The following CATSPERB variants were observed in gnomAD, a reference collection of about 807,000 sequenced individuals.
CATSPERB encodes cation channel sperm-associated auxiliary subunit beta.
In CATSPERB, 93 loss-of-function variants were observed where a neutral mutation model predicts 128.3. The ratio of observed to expected loss-of-function variants is 0.72; its 90% confidence interval spans 0.61 to 0.86. CATSPERB has a LOEUF of 0.86. CATSPERB is among the 40% of genes least tolerant of loss of function. The pLI is 0.00. For synonymous variants in CATSPERB, 381 were observed against 448.8 expected (o/e 0.85, Z 1.91); for missense variants, 1,153 against 1,329.5 (o/e 0.87, Z 2.06).
At chr14:91,721,258 C>G (rs1896024392) in intron 4 of CATSPERB, among the ~76,000 whole-genome samples, 1 of 152,028 alleles carries the variant, frequency 6.6e-6, no homozygotes, top group Admixed American at 6.6e-5. Context: ...TTCTGTGTAT[C>G]AAAGGACACT....
At chr14:91,731,516 C>G (rs547885148) in intron 1 of CATSPERB, among the ~76,000 whole-genome samples, 2 of 152,296 alleles carry the variant, frequency 1.3e-5, no homozygotes, top group South Asian at 4.1e-4. Flanking sequence ...ATAACAGGCA[C>G]TTCACAGTGT....
At chr14:91,584,980 T>G (rs1013762115) in intron 26 of CATSPERB, among the ~76,000 whole-genome samples, 26 of 151,878 alleles carry the variant, frequency 1.7e-4, no homozygotes, top group Admixed American at 2.0e-4. Flanking sequence ...TCCGTCTTTA[T>G]TTCTTTCCTT....
In CATSPERB at chr14:91,693,169, A is replaced by G. The variant is rs1895499133; in HGVS notation, c.788T>C (p.Phe263Ser). 2.5e-6 allele frequency: 4 copies of G among 1,613,898 alleles called. No homozygotes were observed. The highest frequency in any genetic ancestry group is 3.4e-6 in the Non-Finnish European group (4 of 1,179,868). The stretch of plus-strand genomic sequence containing the variant: ...TGGATAACGAAGATCTTCACTTACA[A>G]AAAGGCCCAAAGAGGTGAGGATAAC... ...FLVILTSLGL[F>S]VSEDLRYPSR... is the part of the protein sequence containing the mutation. Residue 263 changes from phenylalanine (F) to serine (S), a missense_variant, in exon 9 of 27, where the codon TTT becomes TCT. Physicochemically the swap from Phe to Ser is radical, Grantham distance 155. Coordinates refer to ENST00000256343, the MANE Select transcript of CATSPERB (RefSeq NM_024764.4).
At position 91,672,946 on chromosome 14, in the gene CATSPERB, C is replaced by A; in HGVS notation, c.1049G>T (p.Gly350Val). Reference protein sequence around the residue: ...WVPCLPHIFKGIKIFPTVLTF... With the variant: ...WVPCLPHIFKVIKIFPTVLTF... Reference sequence around the variant, plus strand: ...TAGCACAGTTGGAAAAATTTTTATTCCTTTAAAAATGTGAGGTAAGCAGGG... The same window carrying A: ...TAGCACAGTTGGAAAAATTTTTATTACTTTAAAAATGTGAGGTAAGCAGGG... The change falls in exon 13 of 27, where the codon GGA (glycine) becomes GTA (valine). Residue 350 changes from glycine (G) to valine (V), a missense_variant. By Grantham distance (109) the Gly-to-Val change is moderately radical. Transcript: ENST00000256343. 1 of 1,603,464 alleles carries A rather than the reference C, an allele frequency of 6.2e-7. No individual in the cohort carries two copies. The highest frequency in any genetic ancestry group is 8.5e-7 in the Non-Finnish European group (1 of 1,177,416).
At chr14:91,652,336 T>C (rs1894716759) in intron 15 of CATSPERB, among the ~76,000 whole-genome samples, 1 of 151,972 alleles carries the variant, frequency 6.6e-6, no homozygotes, top group South Asian at 2.1e-4. Context: ...ATACTTAACA[T>C]TATTACTCAT....
intron 10 of CATSPERB, 24 bp from the exon 11 acceptor site, chr14:91,683,967 C>G: frequency 1.4e-6 from 2 of 1,478,950 alleles, no homozygotes; most frequent in Non-Finnish European, 1.9e-6. Flanking sequence ...TAAAATATCA[C>G]TTAGCCAATA....
chr14:91,666,861 A>G (rs1013960413), intron 14 of CATSPERB, among the ~76,000 whole-genome samples: 2 of 152,242 alleles, frequency 1.3e-5, no homozygotes, highest in African/African-American at 4.8e-5. Context: ...GAACCAATCA[A>G]GCATGACTGC....
intron 5 of CATSPERB, chr14:91,715,027 G>A (rs1895913792): frequency 6.6e-6 from 1 of 152,414 alleles, no homozygotes; most frequent in Admixed American, 6.5e-5. Flanking sequence ...TTCGCGCTTA[G>A]GAGAGAATGC....
At chr14:91,706,717 T>C (rs916457149) in intron 6 of CATSPERB, among the ~76,000 whole-genome samples, 1 of 152,224 alleles carries the variant, frequency 6.6e-6, no homozygotes, top group African/African-American at 2.4e-5. Context: ...TATTTCCCAG[T>C]GTCTGCTTCT....
At chr14:91,684,779 T>C (rs892731234) in intron 10 of CATSPERB, among the ~76,000 whole-genome samples, 4 of 151,972 alleles carry the variant, frequency 2.6e-5, no homozygotes, top group African/African-American at 9.7e-5. Flanking sequence ...CACGCCTGGC[T>C]AATTTTTTTT....
At chr14:91,698,826 T>C (rs1895602336) in intron 7 of CATSPERB, among the ~76,000 whole-genome samples, 1 of 152,206 alleles carries the variant, frequency 6.6e-6, no homozygotes, top group Non-Finnish European at 1.5e-5. Context: ...TTGTACCTAA[T>C]GTGTGGTTTT....
chr14:91,622,031 G>A (rs1332931426), intron 18 of CATSPERB, 94 bp from the exon 19 acceptor site: 6 of 761,332 alleles, frequency 7.9e-6, no homozygotes, highest in Non-Finnish European at 1.2e-5. Flanking sequence ...CACTGTTTGA[G>A]TTTTTAAACT....
chr14:91,683,649 C>G (rs915202350), intron 11 of CATSPERB, among the ~76,000 whole-genome samples: 2 of 152,088 alleles, frequency 1.3e-5, no homozygotes, highest in African/African-American at 4.8e-5. Flanking sequence ...TGACACTAGC[C>G]TATGTTCCAG....
At chr14:91,667,758 A>G (rs10144619) in intron 14 of CATSPERB, among the ~76,000 whole-genome samples, 59,879 of 151,596 alleles carry the variant, frequency 0.39, 11,927 homozygotes, top group Middle Eastern at 0.54. Context: ...AAGAGATGCT[A>G]CCTGGCGTTT....
chr14:91,626,247 T>C (rs989528724), intron 17 of CATSPERB, among the ~76,000 whole-genome samples: 3 of 152,182 alleles, frequency 2.0e-5, no homozygotes, highest in African/African-American at 7.2e-5. Flanking sequence ...CAATTACTTT[T>C]TTCCCTCAAT....
At chr14:91,592,997 C>T (rs576138790) in intron 22 of CATSPERB, among the ~76,000 whole-genome samples, 52 of 152,210 alleles carry the variant, frequency 3.4e-4, no homozygotes, top group Non-Finnish European at 6.3e-4. Context: ...AAGGGGCCAA[C>T]GCACAGCTCA....
chr14:91,729,117 A>G (rs1305543505), intron 2 of CATSPERB, among the ~76,000 whole-genome samples: 3 of 152,164 alleles, frequency 2.0e-5, no homozygotes, highest in African/African-American at 4.8e-5. Flanking sequence ...AGGCAGGTGA[A>G]TCACGAGGTC....
intron 21 of CATSPERB, among the ~76,000 whole-genome samples, chr14:91,609,989 G>C (rs531146174): frequency 5.9e-5 from 9 of 152,196 alleles, no homozygotes; most frequent in Non-Finnish European, 1.3e-4. Context: ...CCAAAGTGCT[G>C]GGATTACAGG....
In CATSPERB at chr14:91,702,706, A is replaced by AC. The variant is rs60391672; in HGVS notation, c.616+1845_616+1846insG. Among the ~76,000 whole-genome samples, 899 of 150,054 alleles carry AC rather than the reference A, an allele frequency of 6.0e-3. 5 individuals are homozygous for AC. Among genetic ancestry groups the AC allele is most frequent in the African/African-American group, 0.02 (813 of 41,170 alleles). On this transcript the variant is annotated intron_variant, in intron 7 of 26. Coordinates refer to ENST00000256343, the MANE Select transcript of CATSPERB (RefSeq NM_024764.4). ...CACACACACACACACACACACACAC[A>AC]AACCAAAAACATTGTTATAATTTTT...
Sources: gnomAD v4.1 joint callset for allele counts (sites outside exome capture counted in the v4.1 genomes callset) on GRCh38, gnomAD v4.1.1 for gene constraint, MANE v1.5 for transcripts, NCBI Gene and HGNC (gene_info 2026-07-23, HGNC 2026-07-21) for gene names.